CLYBL: variants seen among roughly 807,000 people sequenced by gnomAD.
The protein encoded by CLYBL is citramalyl-CoA lyase, mitochondrial.
A neutral mutation model predicts 38.9 loss-of-function variants in CLYBL; 31 were observed. The observed-to-expected ratio is 0.80, with a 90% CI of 0.60 to 1.08. CLYBL has a LOEUF of 1.08. Among genes scored for constraint, CLYBL ranks in the 50% least tolerant of loss-of-function variants. The probability of loss-of-function intolerance (pLI) is 0.00; values close to 1 mark genes in which losing one functional copy is unlikely to be tolerated. For synonymous variants in CLYBL, 171 were observed against 158.6 expected, an observed-to-expected ratio of 1.08 and a Z score of -0.59; for missense variants, 434 against 411.6, an observed-to-expected ratio of 1.05 and a Z score of -0.47.
At chr13:99,857,418 G>A (rs1166740640) in intron 2 of CLYBL, among the ~76,000 whole-genome samples, 2 of 152,212 alleles carry the variant, frequency 1.3e-5, no homozygotes, top group Non-Finnish European at 2.9e-5. Context: ...GGTATGATGT[G>A]GAACCAAGCC....
intron 1 of CLYBL, among the ~76,000 whole-genome samples, chr13:99,759,093 C>T (rs559978272): frequency 2.0e-5 from 3 of 152,334 alleles, no homozygotes; most frequent in South Asian, 2.1e-4. Flanking sequence ...CTAAGGGGCA[C>T]CTTTTTCCAG....
downstream of CLYBL, among the ~76,000 whole-genome samples, chr13:99,897,815 C>T (rs145349521): frequency 9.2e-3 from 1,404 of 152,142 alleles, 24 homozygotes; most frequent in African/African-American, 0.032. Context: ...GGTGTGGTGG[C>T]GCATGCTTGT....
chr13:99,646,242 C>A (rs1483650961), intron 1 of CLYBL, among the ~76,000 whole-genome samples: 1 of 152,108 alleles, frequency 6.6e-6, no homozygotes, highest in Non-Finnish European at 1.5e-5. Context: ...AGTAGTAAAT[C>A]TACTTGTACC....
At chr13:99,775,227 G>A (rs971021788) in intron 2 of CLYBL, among the ~76,000 whole-genome samples, 1 of 152,096 alleles carries the variant, frequency 6.6e-6, no homozygotes, top group Admixed American at 6.6e-5. Context: ...AATGTTTTCT[G>A]CCACTCAAAT....
At chr13:99,800,168 G>C (rs1016929805) in intron 2 of CLYBL, among the ~76,000 whole-genome samples, 2 of 152,120 alleles carry the variant, frequency 1.3e-5, no homozygotes, top group African/African-American at 4.8e-5. Context: ...CATGGTTTGG[G>C]TGTGGCTTCA....
intron 1 of CLYBL, among the ~76,000 whole-genome samples, chr13:99,770,641 T>A (rs1382625406): frequency 2.6e-5 from 4 of 151,546 alleles, no homozygotes; most frequent in Admixed American, 1.3e-4. Context: ...CTACCTCAGA[T>A]GATCCACCCT....
chr13:99,838,198 TTAAAAC>T (rs1380775955), intron 2 of CLYBL, among the ~76,000 whole-genome samples: 1 of 152,218 alleles, frequency 6.6e-6, no homozygotes, highest in Non-Finnish European at 1.5e-5. Flanking sequence ...GCTTTTATAT[TTAAAAC>T]TAAGGGATAC....
At position 99,641,008 on chromosome 13, in the gene CLYBL, A is replaced by C. The variant is rs376281089; in HGVS notation, c.62+34251A>C. Reference sequence around the variant, plus strand: ...TTTGGTTTACATATATTGTTTTTCTAATATAGAATTCTCATTAGTTGGTTT... The same window carrying C: ...TTTGGTTTACATATATTGTTTTTCTCATATAGAATTCTCATTAGTTGGTTT... On this transcript the variant is annotated intron_variant, in intron 1 of 8. Transcript: ENST00000339105. Among the ~76,000 whole-genome samples, 25 of 152,360 alleles carry C rather than the reference A, an allele frequency of 1.6e-4. No individual in the cohort carries two copies. The East Asian group carries it at 3.5e-3, about 21-fold the overall frequency.
chr13:99,609,525 T>G (rs747312220), intron 1 of CLYBL, among the ~76,000 whole-genome samples: 1 of 152,126 alleles, frequency 6.6e-6, no homozygotes, highest in Non-Finnish European at 1.5e-5. Flanking sequence ...CAAATCATTT[T>G]CATTTTAATC....
At chr13:99,636,408 G>A (rs2047018590) in intron 1 of CLYBL, among the ~76,000 whole-genome samples, 1 of 152,186 alleles carries the variant, frequency 6.6e-6, no homozygotes, top group African/African-American at 2.4e-5. Flanking sequence ...AAACAGAGGT[G>A]GGACCTGGTG....
intron 1 of CLYBL, among the ~76,000 whole-genome samples, chr13:99,772,089 G>A (rs1296707093): frequency 6.6e-6 from 1 of 152,078 alleles, no homozygotes; most frequent in Non-Finnish European, 1.5e-5. Flanking sequence ...CAGGGCAAGG[G>A]CCATAGACTT....
intron 1 of CLYBL, among the ~76,000 whole-genome samples, chr13:99,757,786 G>A (rs983035329): frequency 2.0e-5 from 3 of 152,148 alleles, no homozygotes; most frequent in African/African-American, 4.8e-5. Flanking sequence ...ACGTTCCATA[G>A]CCTAGGTTTT....
At chr13:99,744,353 C>G (rs950837836) in intron 1 of CLYBL, among the ~76,000 whole-genome samples, 12 of 152,196 alleles carry the variant, frequency 7.9e-5, no homozygotes, top group African/African-American at 2.9e-4. Flanking sequence ...TGAATAGTTA[C>G]TCATCACACC....
At chr13:99,611,636 G>A (rs2046628290) in intron 1 of CLYBL, among the ~76,000 whole-genome samples, 1 of 152,192 alleles carries the variant, frequency 6.6e-6, no homozygotes, top group Non-Finnish European at 1.5e-5. Flanking sequence ...GATGGTGATG[G>A]TCACATAGGA....
At chr13:99,708,305 G>A (rs910969044) in intron 1 of CLYBL, among the ~76,000 whole-genome samples, 1 of 152,092 alleles carries the variant, frequency 6.6e-6, no homozygotes, top group East Asian at 1.9e-4. Context: ...TTGTACAGTG[G>A]TCCCACCTTA....
chr13:99,887,524 C>T (rs562415905), intron 7 of CLYBL, among the ~76,000 whole-genome samples: 3 of 152,214 alleles, frequency 2.0e-5, no homozygotes, highest in South Asian at 2.1e-4. Context: ...TCTGGGAGGC[C>T]GAGGCAGGAG....
At position 99,865,029 on chromosome 13, in the gene CLYBL, T is replaced by TTGTCATGGTTG; in HGVS notation, c.634+118_634+119insTGTCATGGTTG. On this transcript the variant is annotated intron_variant, in intron 5 of 8. Coordinates refer to ENST00000339105, the MANE Select transcript of CLYBL (RefSeq NM_206808.5). The surrounding 1 kb of genome is among the most constrained non-coding windows in gnomAD (Gnocchi z 4.7). Reference sequence around the variant, plus strand: ...CATAACAATGTATATTTGCCAACCATGACAATGGTTTTTCATGACAATGGA... The same window carrying TTGTCATGGTTG: ...CATAACAATGTATATTTGCCAACCATTGTCATGGTTGGACAATGGTTTTTCATGACAATGGA... 1.3e-6 allele frequency: 1 copy of TTGTCATGGTTG among 778,724 alleles called. No homozygotes were observed. The highest frequency in any genetic ancestry group is 2.3e-6 in the Non-Finnish European group (1 of 438,218). 48.2% of individuals were successfully genotyped at this position (778,724 alleles called of 1,614,324 possible).
intron 1 of CLYBL, among the ~76,000 whole-genome samples, chr13:99,762,309 T>A (rs970614508): frequency 5.3e-5 from 8 of 152,182 alleles, no homozygotes; most frequent in Non-Finnish European, 8.8e-5. Context: ...GGTCTTAGAT[T>A]TAAGTCTTTG....
chr13:99,730,574 C>G (rs747595303), intron 1 of CLYBL, among the ~76,000 whole-genome samples: 6 of 152,150 alleles, frequency 3.9e-5, no homozygotes, highest in Admixed American at 6.5e-5. Context: ...ATGGGGTGAG[C>G]CTGGGGACAG....
Sources: allele counts gnomAD v4.1 joint callset (sites outside exome capture counted in the v4.1 genomes callset), GRCh38; gene constraint gnomAD v4.1.1; non-coding constraint Gnocchi (gnomAD v3.1); transcripts MANE v1.5; gene names NCBI Gene and HGNC (gene_info 2026-07-23, HGNC 2026-07-21).